The following MAP3K13 variants were observed in gnomAD, a reference collection of about 807,000 sequenced individuals.
MAP3K13 encodes mitogen-activated protein kinase kinase kinase 13.
A neutral mutation model predicts 104.0 loss-of-function variants in MAP3K13; 52 were observed. The ratio of observed to expected loss-of-function variants is 0.50; its 90% CI spans 0.40 to 0.63. MAP3K13 has a LOEUF of 0.63. MAP3K13 is among the 20% of genes least tolerant of loss of function. The pLI, the probability that MAP3K13 is intolerant of heterozygous loss-of-function variation, is 0.00. For missense variants in MAP3K13, 914 were observed against 1,218.5 expected (o/e 0.75, Z 3.72); for synonymous variants, 394 against 442.2 (o/e 0.89, Z 1.37).
chr3:185,483,170 A>T lies in MAP3K13; in HGVS notation c.*714A>T, dbSNP rs1718559641. 4.3e-6 allele frequency: 1 copy of T among 233,008 alleles called. No homozygotes were observed. The highest frequency in any genetic ancestry group is 5.6e-5 in the Admixed American group (1 of 17,774). 14.4% of individuals were successfully genotyped at this position (233,008 alleles called of 1,614,324 possible). On this transcript the variant is annotated 3_prime_UTR_variant, in exon 14 of 14. Transcript: ENST00000265026. ...GAGGGAAAAACAGACAAACAAACAA[A>T]CAAACAAACCTGTGTATGTGGAAGC...
intron 2 of MAP3K13, among the ~76,000 whole-genome samples, chr3:185,311,994 T>G (rs1721511054): frequency 6.6e-6 from 1 of 152,228 alleles, no homozygotes; most frequent in Non-Finnish European, 1.5e-5. Flanking sequence ...GTTGTGAAAC[T>G]TATTGGCCTT....
At chr3:185,283,961 C>T (rs4077623) in intron 1 of MAP3K13, among the ~76,000 whole-genome samples, 49,231 of 140,042 alleles carry the variant, frequency 0.35, 9,670 homozygotes, top group Middle Eastern at 0.5. Context: ...AGTACAGTGG[C>T]GATCTCGGCT....
intron 2 of MAP3K13, among the ~76,000 whole-genome samples, chr3:185,350,608 AT>A (rs1182474379): frequency 6.6e-6 from 1 of 152,138 alleles, no homozygotes; most frequent in East Asian, 1.9e-4. Flanking sequence ...GTATGCTAGT[AT>A]TTTCTCTTAT....
At chr3:185,346,285 A>G (rs1722920027) in intron 2 of MAP3K13, among the ~76,000 whole-genome samples, 1 of 152,240 alleles carries the variant, frequency 6.6e-6, no homozygotes, top group Admixed American at 6.5e-5. Context: ...CTTCACAGAT[A>G]ATCTAGAAAT....
intron 1 of MAP3K13, among the ~76,000 whole-genome samples, chr3:185,391,206 C>T (rs1278510663): frequency 2.6e-5 from 4 of 152,186 alleles, no homozygotes; most frequent in Non-Finnish European, 5.9e-5. Context: ...ATACTCCGTA[C>T]CCATTAACCA....
At chr3:185,352,033 A>T (rs1286372625) in intron 2 of MAP3K13, among the ~76,000 whole-genome samples, 2 of 152,238 alleles carry the variant, frequency 1.3e-5, no homozygotes, top group Non-Finnish European at 2.9e-5. Flanking sequence ...GGAAGTTGCA[A>T]ACATCACTCA....
intron 2 of MAP3K13, among the ~76,000 whole-genome samples, chr3:185,319,126 TA>T (rs1285985086): frequency 2.0e-5 from 3 of 151,848 alleles, no homozygotes; most frequent in East Asian, 1.9e-4. Flanking sequence ...TGCCTTTTTT[TA>T]AAAAAAAATC....
At chr3:185,407,493 C>G (rs1320416985) in intron 1 of MAP3K13, among the ~76,000 whole-genome samples, 5 of 152,174 alleles carry the variant, frequency 3.3e-5, no homozygotes, top group African/African-American at 4.8e-5. Context: ...AAGTTTGCCA[C>G]ACCATGCGCA....
At chr3:185,322,539 T>C (rs185055111) in intron 2 of MAP3K13, among the ~76,000 whole-genome samples, 1 of 152,376 alleles carries the variant, frequency 6.6e-6, no homozygotes, top group East Asian at 1.9e-4. Flanking sequence ...TGTGTTTATA[T>C]TTCACAGCTC....
chr3:185,311,679 C>G (rs1348619491), intron 2 of MAP3K13, among the ~76,000 whole-genome samples: 1 of 152,126 alleles, frequency 6.6e-6, no homozygotes. Flanking sequence ...TCTAGGCTCC[C>G]CTCTCCTTCT....
chr3:185,322,991 A>G (rs1309904558), intron 2 of MAP3K13, among the ~76,000 whole-genome samples: 1 of 152,130 alleles, frequency 6.6e-6, no homozygotes, highest in Non-Finnish European at 1.5e-5. Context: ...TCCTTTCTCC[A>G]AGCCATTTTC....
chr3:185,437,408 T>G (rs1027428794), intron 2 of MAP3K13, 39 bp from the exon 3 acceptor site: 7 of 1,589,076 alleles, frequency 4.4e-6, no homozygotes, highest in Non-Finnish European at 6.0e-6. Context: ...TGGTCCCTTC[T>G]GAGATCTCTT....
At chr3:185,452,904 G>C (rs998982236) in intron 7 of MAP3K13, among the ~76,000 whole-genome samples, 1 of 152,138 alleles carries the variant, frequency 6.6e-6, no homozygotes, top group Non-Finnish European at 1.5e-5. Context: ...TGTTCCATCG[G>C]CCAAGCAAGT....
At chr3:185,464,680 A>G (rs1717307853) in intron 8 of MAP3K13, among the ~76,000 whole-genome samples, 1 of 152,198 alleles carries the variant, frequency 6.6e-6, no homozygotes. Context: ...TTCTTCTAGC[A>G]GTGTGAGAAC....
chr3:185,473,757 A>G lies in MAP3K13; in HGVS notation c.2426A>G (p.Gln809Arg), dbSNP rs1654074234. ...CTACCTCGAAAAACAAGGCCTCTGCAGAAGGTAAAGTGTAATGATGAGAGT... is the reference window on the plus strand; with the variant it reads ...CTACCTCGAAAAACAAGGCCTCTGCGGAAGGTAAAGTGTAATGATGAGAGT... ...PALPRKTRPL[Q>R]KSGDDSSEEE... Residue 809 changes from glutamine (Q) to arginine (R), a missense_variant, in exon 11 of 14, where the codon CAG becomes CGG. Coordinates refer to ENST00000265026, the MANE Select transcript of MAP3K13 (RefSeq NM_004721.5). The surrounding 1 kb of genome is among the most constrained non-coding windows in gnomAD (Gnocchi z 4.9). 6.2e-7 allele frequency: 1 copy of G among 1,612,142 alleles called. No homozygotes were observed. The highest frequency in any genetic ancestry group is 8.5e-7 in the Non-Finnish European group (1 of 1,179,328).
At chr3:185,303,812 A>C (rs1159333784) in intron 2 of MAP3K13, among the ~76,000 whole-genome samples, 4 of 150,906 alleles carry the variant, frequency 2.7e-5, no homozygotes, top group South Asian at 4.2e-4. Flanking sequence ...TCTATCCTCT[A>C]TTTTATTTAT....
chr3:185,352,215 C>G (rs1222889399), intron 2 of MAP3K13, among the ~76,000 whole-genome samples: 2 of 152,098 alleles, frequency 1.3e-5, no homozygotes, highest in Non-Finnish European at 2.9e-5. Context: ...GAGGCCAAGG[C>G]GGGCAGATCA....
chr3:185,373,705 C>A lies in MAP3K13; in HGVS notation c.-86+10337C>A, dbSNP rs192248689. 2.3e-3 allele frequency among the ~76,000 whole-genome samples: 346 copies of A among 152,114 alleles called. 1 individual carries two copies. Among genetic ancestry groups the A allele is most frequent in the African/African-American group, 7.8e-3 (325 of 41,478 alleles). ...TTAATGATAGAGTGTGCCTAAATAA[C>A]AAGAGAACAAAACTTTTTTTTCTAT... On this transcript the variant is annotated intron_variant, in intron 1 of 13. Coordinates refer to ENST00000265026, the MANE Select transcript of MAP3K13 (RefSeq NM_004721.5).
chr3:185,395,357 C>CTTTCTTTTTTTTTTT lies in MAP3K13; in HGVS notation c.-86+31992_-86+31993insCTTTTTTTTTTTTTT, dbSNP rs1553798321. On this transcript the variant is annotated intron_variant, in intron 1 of 13. Transcript: ENST00000265026. ...AGGCATTTCTAATTCAATATTATTT[C>CTTTCTTTTTTTTTTT]TTTTTTTTTTTTTTTTTTTGAGACG... Among the ~76,000 whole-genome samples, 217 of 69,972 alleles carry CTTTCTTTTTTTTTTT rather than the reference C, an allele frequency of 3.1e-3. 8 individuals are homozygous for CTTTCTTTTTTTTTTT. Among genetic ancestry groups the CTTTCTTTTTTTTTTT allele is most frequent in the African/African-American group, 5.3e-3 (77 of 14,512 alleles). The allele number at this position is 69,972 out of a possible 152,430, so 45.9% of individuals were successfully genotyped here. A position where few individuals can be genotyped will look rare whatever the true frequency, so the allele number is the denominator to read the frequency against.
Sources: allele counts gnomAD v4.1 joint callset (sites outside exome capture counted in the v4.1 genomes callset), GRCh38; gene constraint gnomAD v4.1.1; non-coding constraint Gnocchi (gnomAD v3.1); transcripts MANE v1.5; gene names NCBI Gene and HGNC (gene_info 2026-07-23, HGNC 2026-07-21).